The following CARMIL1 variants were observed in gnomAD, a reference collection of about 807,000 sequenced individuals.
CARMIL1 encodes capping protein regulator and myosin 1 linker 1.
A neutral mutation model predicts 177.1 loss-of-function variants in CARMIL1; 90 were observed. That is an observed-to-expected ratio of 0.51 (90% CI 0.43 to 0.61). CARMIL1 has a LOEUF of 0.61. CARMIL1 is among the 20% of genes least tolerant of loss of function. The probability of loss-of-function intolerance (pLI) is 0.00; values close to 1 mark genes in which losing one functional copy is unlikely to be tolerated. For synonymous variants in CARMIL1, 577 were observed against 606.2 expected, an observed-to-expected ratio of 0.95 and a Z score of 0.71; for missense variants, 1,380 against 1,667.0, an observed-to-expected ratio of 0.83 and a Z score of 3.00.
chr6:25,441,998 C>T (rs1401511899), intron 5 of CARMIL1, among the ~76,000 whole-genome samples: 2 of 151,658 alleles, frequency 1.3e-5, no homozygotes, highest in Non-Finnish European at 2.9e-5. Context: ...TATATATAAA[C>T]AAGAGAAAGG....
In CARMIL1 at chr6:25,515,584, C is replaced by A; in HGVS notation, c.1633-91C>A. The A allele has an allele frequency of 3.3e-6, 4 of 1,213,158 alleles. No homozygotes were observed. The highest frequency in any genetic ancestry group is 4.6e-6 in the Non-Finnish European group (4 of 872,204). 75.1% of individuals were successfully genotyped at this position (1,213,158 alleles called of 1,614,324 possible). A position where few individuals can be genotyped will look rare whatever the true frequency, so the allele number is the denominator to read the frequency against. The stretch of plus-strand genomic sequence containing the variant: ...CTAAAATCAGACACGTGCAGTAGGT[C>A]CATCCCCTCTCATTCTCCACGAAAT... On this transcript the variant is annotated intron_variant, in intron 20 of 36. Coordinates refer to ENST00000329474, the MANE Select transcript of CARMIL1 (RefSeq NM_017640.6). The surrounding 1 kb of genome is among the most constrained non-coding windows in gnomAD (Gnocchi z 5.0).
At chr6:25,616,635 G>A (rs368144249) in intron 36 of CARMIL1, among the ~76,000 whole-genome samples, 5 of 152,150 alleles carry the variant, frequency 3.3e-5, no homozygotes, top group African/African-American at 1.2e-4. Flanking sequence ...ACATTCTGGA[G>A]TTTTAAGTTT....
At chr6:25,467,127 A>G (rs1462557295) in intron 9 of CARMIL1, among the ~76,000 whole-genome samples, 1 of 151,924 alleles carries the variant, frequency 6.6e-6, no homozygotes, top group Non-Finnish European at 1.5e-5. Context: ...CAAATATGAG[A>G]GTATGAATTA....
intron 29 of CARMIL1, among the ~76,000 whole-genome samples, chr6:25,572,028 A>G (rs1812113191): frequency 6.6e-6 from 1 of 152,186 alleles, no homozygotes; most frequent in Admixed American, 6.5e-5. Context: ...TATGGACTAT[A>G]GTGTGTATGT....
chr6:25,615,050 A>T (rs1210237475), intron 36 of CARMIL1, among the ~76,000 whole-genome samples: 1 of 152,252 alleles, frequency 6.6e-6, no homozygotes, highest in Non-Finnish European at 1.5e-5. Context: ...GATTTTATGC[A>T]TAATATTTTA....
chr6:25,319,289 G>T (rs1784507732), intron 2 of CARMIL1, among the ~76,000 whole-genome samples: 2 of 151,956 alleles, frequency 1.3e-5, no homozygotes, highest in Non-Finnish European at 2.9e-5. Context: ...ATGAATGTTT[G>T]CAAGTAATAA....
chr6:25,364,708 T>G (rs1789587287), intron 2 of CARMIL1, among the ~76,000 whole-genome samples: 1 of 152,068 alleles, frequency 6.6e-6, no homozygotes, highest in Non-Finnish European at 1.5e-5. Context: ...GTGTTACAAG[T>G]GCCCGCCACC....
At chr6:25,490,201 G>A (rs1460315191) in intron 13 of CARMIL1, among the ~76,000 whole-genome samples, 1 of 152,114 alleles carries the variant, frequency 6.6e-6, no homozygotes, top group Non-Finnish European at 1.5e-5. Context: ...AGCAGGGCCT[G>A]GCCTCTTTGG....
In CARMIL1 at chr6:25,316,901, G is replaced by A. The variant is rs988253394; in HGVS notation, c.138+31992G>A. Among the ~76,000 whole-genome samples the A allele has an allele frequency of 4.6e-5, 7 of 152,262 alleles. No homozygotes were observed. The South Asian group carries it at 1.5e-3, about 32-fold the overall frequency. On this transcript the variant is annotated intron_variant, in intron 2 of 36. Transcript: ENST00000329474. Reference sequence around the variant, plus strand: ...TTGAGTCCTGTTAGGTTACTAGAAAGCAGTGCACCTGGAGACTCGGTACTT... The same window carrying A: ...TTGAGTCCTGTTAGGTTACTAGAAAACAGTGCACCTGGAGACTCGGTACTT...
chr6:25,551,328 G>A (rs1810083343), intron 27 of CARMIL1, among the ~76,000 whole-genome samples: 2 of 152,102 alleles, frequency 1.3e-5, no homozygotes, highest in South Asian at 4.1e-4. Flanking sequence ...CTGTTTAAAG[G>A]TTTTATATTT....
At chr6:25,413,271 G>A (rs943461113) in intron 2 of CARMIL1, among the ~76,000 whole-genome samples, 2 of 152,232 alleles carry the variant, frequency 1.3e-5, no homozygotes, top group Admixed American at 1.3e-4. Flanking sequence ...TTGCAAATTA[G>A]AGAGTGCTTC....
chr6:25,596,617 A>G (rs1342106848), intron 32 of CARMIL1, among the ~76,000 whole-genome samples: 1 of 152,210 alleles, frequency 6.6e-6, no homozygotes, highest in Non-Finnish European at 1.5e-5. Flanking sequence ...ATGATAATAC[A>G]GACTGAGTGT....
intron 8 of CARMIL1, among the ~76,000 whole-genome samples, chr6:25,461,379 T>G (rs1800103686): frequency 6.6e-6 from 1 of 152,210 alleles, no homozygotes; most frequent in Non-Finnish European, 1.5e-5. Context: ...ACAAAGCCCC[T>G]CAAACTTAAT....
chr6:25,574,536 T>A (rs1812410966), intron 29 of CARMIL1, among the ~76,000 whole-genome samples: 1 of 152,258 alleles, frequency 6.6e-6, no homozygotes, highest in South Asian at 2.1e-4. Flanking sequence ...ATTTGACCAC[T>A]ACTAACAATC....
chr6:25,443,363 A>G (rs556985027), intron 5 of CARMIL1, among the ~76,000 whole-genome samples: 2 of 152,248 alleles, frequency 1.3e-5, no homozygotes, highest in African/African-American at 2.4e-5. Flanking sequence ...CTTCTCAAAC[A>G]TGGTTACCCC....
At chr6:25,407,720 C>T (rs1303385250) in intron 2 of CARMIL1, among the ~76,000 whole-genome samples, 1 of 152,116 alleles carries the variant, frequency 6.6e-6, no homozygotes, top group Non-Finnish European at 1.5e-5. Flanking sequence ...AGGCTAAGGA[C>T]ATTAACACAT....
intron 8 of CARMIL1, chr6:25,452,290 C>G: frequency 1.3e-6 from 1 of 750,246 alleles, no homozygotes; most frequent in South Asian, 1.4e-5. Context: ...TTTATACTTT[C>G]AAATTTAGAC....
chr6:25,491,785 C>A lies in CARMIL1; in HGVS notation c.1119C>A (p.Ser373=). The change falls in exon 14 of 37, where the codon TCC becomes TCA. Residue 373 remains serine, a synonymous_variant. Transcript: ENST00000329474. ...QPNAIVHLDL[S]NTECSLDMVC... ...ATGCCATTGTTCATCTGGATTTATC[C>A]AATACAGAATGTTCCCTGGACATGG... 6.3e-7 allele frequency: 1 copy of A among 1,598,480 alleles called. No individual in the cohort carries two copies. Among genetic ancestry groups the A allele is most frequent in the Non-Finnish European group, 8.5e-7 (1 of 1,171,756 alleles).
rs752915326 is a variant in CARMIL1, at chr6:25,338,948, A to G, written c.138+54039A>G. Reference sequence around the variant, plus strand: ...AGTCTCTGCCAGCATGAATCCTCCTATGAGGGTCCCTAAAGGCTATATTAT... The same window carrying G: ...AGTCTCTGCCAGCATGAATCCTCCTGTGAGGGTCCCTAAAGGCTATATTAT... On this transcript the variant is annotated intron_variant, in intron 2 of 36. Transcript: ENST00000329474. 7.6e-4 allele frequency among the ~76,000 whole-genome samples: 93 copies of G among 121,902 alleles called. 3 individuals carry two copies. Among genetic ancestry groups the G allele is most frequent in the Admixed American group, 5.6e-3 (69 of 12,396 alleles). The allele number at this position is 121,902 out of a possible 152,430, so 80.0% of individuals were successfully genotyped here.
Sources: allele counts gnomAD v4.1 joint callset (sites outside exome capture counted in the v4.1 genomes callset), GRCh38; gene constraint gnomAD v4.1.1; non-coding constraint Gnocchi (gnomAD v3.1); transcripts MANE v1.5; gene names NCBI Gene and HGNC (gene_info 2026-07-23, HGNC 2026-07-21).